Variants in SLC9A2 observed in about 807,000 individuals in gnomAD.
SLC9A2 encodes sodium/hydrogen exchanger 2.
Under a neutral mutation model 71.7 loss-of-function variants are expected in SLC9A2, and 42 were observed. That is an observed-to-expected ratio of 0.59 (90% CI 0.46 to 0.76). The LOEUF (loss-of-function observed/expected upper bound fraction) is 0.76. Among genes scored for constraint, SLC9A2 ranks in the 30% least tolerant of loss-of-function variants. The probability of loss-of-function intolerance (pLI) is 0.00; values close to 1 mark genes in which losing one functional copy is unlikely to be tolerated. For synonymous variants in SLC9A2, 396 were observed against 392.5 expected (o/e 1.01, Z -0.10); for missense variants, 829 against 1,017.4 (o/e 0.81, Z 2.52).
At chr2:102,662,624 G>T (rs1211348528) in intron 2 of SLC9A2, among the ~76,000 whole-genome samples, 1 of 152,286 alleles carries the variant, frequency 6.6e-6, no homozygotes, top group African/African-American at 2.4e-5. Flanking sequence ...GATAGGTAAA[G>T]GTTCCCTAGA....
At chr2:102,665,061 G>A in intron 2 of SLC9A2, 39 bp from the exon 3 acceptor site, 1 of 1,585,740 alleles carries the variant, frequency 6.3e-7, no homozygotes. Flanking sequence ...TGGGGAAATG[G>A]GAAAGGGTCT....
intron 1 of SLC9A2, among the ~76,000 whole-genome samples, chr2:102,635,001 A>G (rs919846034): frequency 6.6e-6 from 1 of 152,226 alleles, no homozygotes; most frequent in Non-Finnish European, 1.5e-5. Flanking sequence ...CACTTGTGGT[A>G]AGCACGTTGT....
At chr2:102,638,331 G>A (rs1041979998) in intron 1 of SLC9A2, among the ~76,000 whole-genome samples, 1 of 152,308 alleles carries the variant, frequency 6.6e-6, no homozygotes, top group East Asian at 1.9e-4. Flanking sequence ...TGATCAAAAT[G>A]AGTATTATTC....
At chr2:102,691,845 T>C (rs560539365) in intron 5 of SLC9A2, among the ~76,000 whole-genome samples, 7 of 152,228 alleles carry the variant, frequency 4.6e-5, no homozygotes, top group African/African-American at 1.4e-4. Flanking sequence ...AATCAACATA[T>C]GGACTGGGGT....
At chr2:102,621,856 A>T (rs1308574131) in intron 1 of SLC9A2, among the ~76,000 whole-genome samples, 1 of 152,226 alleles carries the variant, frequency 6.6e-6, no homozygotes, top group Non-Finnish European at 1.5e-5. Flanking sequence ...CTGGTCAGTT[A>T]GAGAGAAAAG....
In SLC9A2 at chr2:102,619,970, G is replaced by A. The variant is rs1261375454; in HGVS notation, c.122G>A (p.Arg41Lys). ...ALAETLLNAP[R>K]AMGTSSSPPS... is the part of the protein sequence containing the mutation. Reference sequence around the variant, plus strand: ...GCGGAGACCTTGCTGAACGCGCCGAGGGCCATGGGCACCAGTTCCAGCCCG... The same window carrying A: ...GCGGAGACCTTGCTGAACGCGCCGAAGGCCATGGGCACCAGTTCCAGCCCG... Residue 41 changes from arginine (R) to lysine (K), a missense_variant, in exon 1 of 12, where the codon AGG becomes AAG. By Grantham distance (26) the Arg-to-Lys change is conservative. Around this residue, in one of 3 missense-constraint regions of SLC9A2, gnomAD observed 106 missense variants for 93.5 expected, o/e 1.13. Coordinates refer to ENST00000233969, the MANE Select transcript of SLC9A2 (RefSeq NM_003048.6). This position sits in a 1 kb window ranked among gnomAD's most constrained non-coding sequence, Gnocchi z 4.3. 1 of 1,613,232 alleles carries A rather than the reference G, an allele frequency of 6.2e-7. No individual in the cohort carries two copies. Among genetic ancestry groups the A allele is most frequent in the Non-Finnish European group, 8.5e-7 (1 of 1,179,672 alleles).
intron 7 of SLC9A2, among the ~76,000 whole-genome samples, chr2:102,699,379 C>G (rs7608434): frequency 0.23 from 35,641 of 151,978 alleles, 4,584 homozygotes; most frequent in Middle Eastern, 0.31. Context: ...AGGGCCAGAT[C>G]CAGATTGTGT....
chr2:102,666,194 C>CTTTTTT (rs1266703500), intron 3 of SLC9A2, among the ~76,000 whole-genome samples: 4 of 119,428 alleles, frequency 3.3e-5, no homozygotes, highest in Admixed American at 1.0e-4. Flanking sequence ...TCCAGTTTAG[C>CTTTTTT]TTTTTTTTTT....
At chr2:102,700,914 G>A (rs959448023) in intron 7 of SLC9A2, among the ~76,000 whole-genome samples, 156 bp from the exon 8 acceptor site, 1 of 151,800 alleles carries the variant, frequency 6.6e-6, no homozygotes, top group Non-Finnish European at 1.5e-5. Flanking sequence ...CATATATACA[G>A]GTAGGCACAT....
chr2:102,675,034 A>T (rs1677323292), intron 3 of SLC9A2, among the ~76,000 whole-genome samples: 2 of 152,220 alleles, frequency 1.3e-5, no homozygotes, highest in African/African-American at 4.8e-5. Context: ...CTGTCATGGG[A>T]TCAGACTGTG....
At chr2:102,677,373 G>A (rs1024820985) in intron 3 of SLC9A2, among the ~76,000 whole-genome samples, 9 of 152,152 alleles carry the variant, frequency 5.9e-5, no homozygotes, top group African/African-American at 2.2e-4. Context: ...TTGATATACT[G>A]ATAAAGAAAA....
At chr2:102,623,580 T>C (rs1676185947) in intron 1 of SLC9A2, among the ~76,000 whole-genome samples, 1 of 152,164 alleles carries the variant, frequency 6.6e-6, no homozygotes, top group African/African-American at 2.4e-5. Flanking sequence ...TCTTTCAACT[T>C]TTGTTCTGAA....
At chr2:102,629,190 T>C (rs554007470) in intron 1 of SLC9A2, among the ~76,000 whole-genome samples, 1 of 152,290 alleles carries the variant, frequency 6.6e-6, no homozygotes, top group Non-Finnish European at 1.5e-5. Flanking sequence ...TGTAATTGTT[T>C]CAATTTTTGC....
rs968988186 is a variant in SLC9A2 at position 102,653,998 on chromosome 2, G to T, written c.290-3566G>T. Among the ~76,000 whole-genome samples, 7 of 152,128 alleles carry T rather than the reference G, an allele frequency of 4.6e-5. No individual in the cohort carries two copies. The East Asian group carries it at 1.3e-3, about 29-fold the overall frequency. ...TTTGTGTCTGTTTCACAGATGAGTA[G>T]GTGGGGCCTGGGCATGTTAGGAACC... On this transcript the variant is annotated intron_variant, in intron 1 of 11. Coordinates refer to ENST00000233969, the MANE Select transcript of SLC9A2 (RefSeq NM_003048.6).
At chr2:102,641,798 A>T (rs1220435465) in intron 1 of SLC9A2, among the ~76,000 whole-genome samples, 1 of 151,518 alleles carries the variant, frequency 6.6e-6, no homozygotes, top group East Asian at 1.9e-4. Flanking sequence ...GTAAGTTAGG[A>T]CAGAAAACCA....
intron 3 of SLC9A2, among the ~76,000 whole-genome samples, chr2:102,676,568 A>G (rs1257806840): frequency 6.6e-6 from 1 of 152,250 alleles, no homozygotes; most frequent in Non-Finnish European, 1.5e-5. Context: ...GATATTTTAA[A>G]AAAGATTGTT....
At chr2:102,675,086 C>T (rs1420676488) in intron 3 of SLC9A2, among the ~76,000 whole-genome samples, 1 of 152,134 alleles carries the variant, frequency 6.6e-6, no homozygotes, top group African/African-American at 2.4e-5. Flanking sequence ...GGGTTTGTTG[C>T]CAGAAGAAGG....
chr2:102,656,052 G>A (rs1244396228), intron 1 of SLC9A2, among the ~76,000 whole-genome samples: 1 of 152,186 alleles, frequency 6.6e-6, no homozygotes. Context: ...GTTTTAGAGG[G>A]GGGACAGCCA....
intron 1 of SLC9A2, among the ~76,000 whole-genome samples, chr2:102,622,133 G>A (rs780315972): frequency 2.0e-5 from 3 of 152,290 alleles, no homozygotes; most frequent in Non-Finnish European, 4.4e-5. Context: ...GTATAAGGGA[G>A]ATGGGCTTCC....
Sources: gnomAD v4.1 joint callset for allele counts (sites outside exome capture counted in the v4.1 genomes callset) on GRCh38, gnomAD v4.1.1 for gene constraint, gnomAD v4.1.1 regional missense constraint, Gnocchi (gnomAD v3.1) non-coding constraint, MANE v1.5 for transcripts, NCBI Gene and HGNC (gene_info 2026-07-23, HGNC 2026-07-21) for gene names.